Variants in EPB41L4A observed in about 807,000 individuals in gnomAD.
EPB41L4A encodes erythrocyte membrane protein band 4.1 like 4A.
Under a neutral mutation model 108.6 loss-of-function variants are expected in EPB41L4A, and 100 were observed. That is an observed-to-expected ratio of 0.92 (90% CI 0.78 to 1.09). The LOEUF is 1.09. Among genes scored for constraint, EPB41L4A ranks in the 50% least tolerant of loss-of-function variants. The pLI, the probability that EPB41L4A is intolerant of heterozygous loss-of-function variation, is 0.00. For missense variants in EPB41L4A, 1,030 were observed against 842.7 expected (o/e 1.22, Z -2.75); for synonymous variants, 319 against 289.0 (o/e 1.10, Z -1.05).
chr5:112,281,641 G>A (rs544579045), intron 2 of EPB41L4A, among the ~76,000 whole-genome samples: 1 of 152,368 alleles, frequency 6.6e-6, no homozygotes, highest in Admixed American at 6.5e-5. Context: ...CCCACTTTGA[G>A]CCACGTTCCA....
At chr5:112,223,101 A>G (rs1411775953) in intron 12 of EPB41L4A, among the ~76,000 whole-genome samples, 1 of 151,966 alleles carries the variant, frequency 6.6e-6, no homozygotes, top group Non-Finnish European at 1.5e-5. Flanking sequence ...AACCATGTCC[A>G]GCTAGCTTTT....
chr5:112,223,105 A>G (rs1026370012), intron 12 of EPB41L4A, among the ~76,000 whole-genome samples: 11 of 152,108 alleles, frequency 7.2e-5, no homozygotes, highest in Non-Finnish European at 1.5e-4. Context: ...ATGTCCAGCT[A>G]GCTTTTGTAT....
chr5:112,155,845 T>C (rs904718599), intron 12 of EPB41L4A, among the ~76,000 whole-genome samples: 3 of 152,188 alleles, frequency 2.0e-5, no homozygotes, highest in Non-Finnish European at 4.4e-5. Context: ...CATTATAATT[T>C]TGCCATTTAA....
intron 2 of EPB41L4A, among the ~76,000 whole-genome samples, chr5:112,303,266 G>A (rs2150569822): frequency 6.6e-6 from 1 of 152,320 alleles, no homozygotes; most frequent in East Asian, 1.9e-4. Flanking sequence ...TGACGGCAGA[G>A]AGGACACACT....
At chr5:112,222,217 G>A (rs576150420) in intron 12 of EPB41L4A, among the ~76,000 whole-genome samples, 1 of 152,286 alleles carries the variant, frequency 6.6e-6, no homozygotes, top group African/African-American at 2.4e-5. Context: ...AGCTACTGAA[G>A]AAATCACACA....
intron 1 of EPB41L4A, among the ~76,000 whole-genome samples, chr5:112,403,585 C>G (rs1416942106): frequency 1.3e-5 from 2 of 152,166 alleles, no homozygotes; most frequent in Middle Eastern, 3.2e-3. Context: ...GCTCCCACCT[C>G]AGCCTACAGA....
intron 15 of EPB41L4A, among the ~76,000 whole-genome samples, chr5:112,199,049 T>TG (rs1463446439): frequency 1.3e-5 from 2 of 152,156 alleles, no homozygotes; most frequent in African/African-American, 4.8e-5. Context: ...CTTTGGATGG[T>TG]GCAGTGCACG....
intron 16 of EPB41L4A, among the ~76,000 whole-genome samples, chr5:112,195,342 T>C (rs1430341339): frequency 2.6e-5 from 4 of 151,742 alleles, no homozygotes; most frequent in Non-Finnish European, 1.5e-5. Context: ...CAAGACGAGC[T>C]AAAAAGCTGC....
intron 9 of EPB41L4A, among the ~76,000 whole-genome samples, chr5:112,254,046 A>T (rs369122906): frequency 8.5e-5 from 13 of 152,174 alleles, no homozygotes; most frequent in Middle Eastern, 3.4e-3. Context: ...GTTGCCAGGA[A>T]CCTTTTGGTT....
chr5:112,145,618 T>C (rs534184518), intron 13 of EPB41L4A, among the ~76,000 whole-genome samples: 3 of 152,346 alleles, frequency 2.0e-5, no homozygotes, highest in Admixed American at 1.3e-4. Context: ...GGCCTTTACA[T>C]GTAGTCTCTT....
Position 112,179,259 on chromosome 5 carries a change from C to T in EPB41L4A, c.1622+4757G>A, listed in dbSNP as rs114973164. 5.2e-3 allele frequency among the ~76,000 whole-genome samples: 793 copies of T among 151,980 alleles called. 10 individuals are homozygous for T. Among genetic ancestry groups the T allele is most frequent in the Non-Finnish European group, 5.5e-3 (374 of 67,876 alleles). ...GCAGAGATTGTTTCACTGGTGAATT[C>T]TATATTTAAGGAAGAAAAAAATGCT... On this transcript the variant is annotated intron_variant, in intron 18 of 22. Coordinates refer to ENST00000261486, the MANE Select transcript of EPB41L4A (RefSeq NM_022140.5).
intron 10 of EPB41L4A, 57 bp from the exon 11 acceptor site, chr5:112,239,794 C>A: frequency 8.6e-7 from 1 of 1,157,694 alleles, no homozygotes. Flanking sequence ...GCATTCTGGG[C>A]CACCCCCTTC....
chr5:112,327,338 C>T (rs1756239305), intron 1 of EPB41L4A, among the ~76,000 whole-genome samples: 1 of 152,132 alleles, frequency 6.6e-6, no homozygotes, highest in Non-Finnish European at 1.5e-5. Context: ...AATAAATATC[C>T]TCTAAAACTA....
intron 1 of EPB41L4A, among the ~76,000 whole-genome samples, chr5:112,357,682 C>A (rs1298121420): frequency 6.6e-6 from 1 of 152,156 alleles, no homozygotes; most frequent in African/African-American, 2.4e-5. Context: ...TTTACCTACA[C>A]TGAGAAATGG....
At chr5:112,353,174 C>T (rs1758150754) in intron 1 of EPB41L4A, among the ~76,000 whole-genome samples, 1 of 152,112 alleles carries the variant, frequency 6.6e-6, no homozygotes, top group South Asian at 2.1e-4. Context: ...GACAAGGACA[C>T]CAGCTAGACC....
At chr5:112,236,763 C>G (rs1373237164) in intron 11 of EPB41L4A, among the ~76,000 whole-genome samples, 1 of 152,202 alleles carries the variant, frequency 6.6e-6, no homozygotes, top group Non-Finnish European at 1.5e-5. Flanking sequence ...AGTAGAAATA[C>G]TCAGGTTCAA....
In EPB41L4A at chr5:112,165,023, A is replaced by T. The variant is rs761462030; in HGVS notation, c.2028T>A (p.Thr676=). 16 of 1,613,724 alleles carry T rather than the reference A, an allele frequency of 9.9e-6. No individual in the cohort carries two copies. The Admixed American group carries it at 1.3e-4, about 13-fold the overall frequency. Reference sequence around the variant, plus strand: ...CTGTCTTGAGGCGGGAAGCTTGTATAGTTTTTATTGTTTTTGCTGTGTGTT... The same window carrying T: ...CTGTCTTGAGGCGGGAAGCTTGTATTGTTTTTATTGTTTTTGCTGTGTGTT... ...AGKHTAKTIK[T]IQASRLKTET is the part of the protein sequence containing the mutation. Residue 676 remains threonine, a synonymous_variant, in exon 23 of 23, where the codon ACT becomes ACA. Coordinates refer to ENST00000261486, the MANE Select transcript of EPB41L4A (RefSeq NM_022140.5).
rs1292587719 is a variant in EPB41L4A at position 112,276,654 on chromosome 5, AC to A, written c.257-1251del. On this transcript the variant is annotated intron_variant, in intron 3 of 22. Coordinates refer to ENST00000261486, the MANE Select transcript of EPB41L4A (RefSeq NM_022140.5). ...CGATACTATCTAAACTGATAAAGTA[AC>A]CCCAGTCTCGCTATTCTTAACTGAA... 2.0e-5 allele frequency among the ~76,000 whole-genome samples: 3 copies of A among 152,254 alleles called. No individual in the cohort carries two copies. In the East Asian group the frequency reaches 5.8e-4, roughly 29 times the overall value.
intron 12 of EPB41L4A, among the ~76,000 whole-genome samples, chr5:112,231,921 A>G (rs1048745913): frequency 6.6e-6 from 1 of 151,308 alleles, no homozygotes; most frequent in Non-Finnish European, 1.5e-5. Context: ...CAGCCTAAAC[A>G]CAGCAAGACC....
Sources: gnomAD v4.1 joint callset for allele counts (sites outside exome capture counted in the v4.1 genomes callset) on GRCh38, gnomAD v4.1.1 for gene constraint, MANE v1.5 for transcripts, NCBI Gene and HGNC (gene_info 2026-07-23, HGNC 2026-07-21) for gene names.